Variants in BMAL1 observed in about 807,000 individuals in gnomAD.
BMAL1 encodes basic helix-loop-helix ARNT like 1, also known as basic helix-loop-helix ARNT-like protein 1.
the BMAL1 span, among the ~76,000 whole-genome samples, chr11:13,376,084 G>T: frequency 3.0e-4 from 45 of 152,338 alleles, no homozygotes; most frequent in Middle Eastern, 3.4e-3. Context: ...GGAGGAAGGG[G>T]TTGGCAATCT....
the BMAL1 span, among the ~76,000 whole-genome samples, chr11:13,339,900 C>T: frequency 6.6e-6 from 1 of 152,168 alleles, no homozygotes; most frequent in Admixed American, 6.5e-5. Flanking sequence ...TTTTTATATC[C>T]CTACCCCCAT....
At chr11:13,302,712 T>A in the BMAL1 span, among the ~76,000 whole-genome samples, 1 of 152,190 alleles carries the variant, frequency 6.6e-6, no homozygotes, top group Non-Finnish European at 1.5e-5. Flanking sequence ...TCTCTCGTCA[T>A]CTGGGTGGTG....
chr11:13,382,406 G>C, the BMAL1 span, among the ~76,000 whole-genome samples: 1 of 152,170 alleles, frequency 6.6e-6, no homozygotes, highest in East Asian at 1.9e-4. Flanking sequence ...AGGGTAGCCA[G>C]CATCTTTGCA....
chr11:13,363,693 C>T, the BMAL1 span, among the ~76,000 whole-genome samples: 34 of 152,314 alleles, frequency 2.2e-4, no homozygotes, highest in Middle Eastern at 3.4e-3. Context: ...ACAATGTCTA[C>T]GTTAGTCTAC....
the BMAL1 span, among the ~76,000 whole-genome samples, chr11:13,359,659 T>C: frequency 6.6e-6 from 1 of 152,346 alleles, no homozygotes; most frequent in South Asian, 2.1e-4. Flanking sequence ...ATTCCTTCAC[T>C]ATTCTACTCG....
the BMAL1 span, among the ~76,000 whole-genome samples, chr11:13,295,154 G>T: frequency 6.6e-6 from 1 of 152,188 alleles, no homozygotes; most frequent in African/African-American, 2.4e-5. Context: ...AGTGGCTCTT[G>T]AAGATGGCTG....
At chr11:13,329,955 TTG>T in the BMAL1 span, among the ~76,000 whole-genome samples, 1 of 152,210 alleles carries the variant, frequency 6.6e-6, no homozygotes, top group East Asian at 1.9e-4. Flanking sequence ...AAAGATGCTG[TTG>T]TGAGTGCACT....
At chr11:13,292,802 G>A in the BMAL1 span, among the ~76,000 whole-genome samples, 1 of 152,060 alleles carries the variant, frequency 6.6e-6, no homozygotes, top group Admixed American at 6.5e-5. Flanking sequence ...GATGGTTGAA[G>A]GTAAAAACTT....
chr11:13,338,134 A>G, the BMAL1 span, among the ~76,000 whole-genome samples: 2 of 152,018 alleles, frequency 1.3e-5, no homozygotes, highest in Non-Finnish European at 2.9e-5. Context: ...GACACATGAT[A>G]CTCACTATAT....
At chr11:13,357,067 A>G in the BMAL1 span, 2 of 1,614,258 alleles carry the variant, frequency 1.2e-6, no homozygotes, top group East Asian at 4.5e-5. The surrounding 1 kb of genome is among the most constrained non-coding windows in gnomAD (Gnocchi z 4.8). Flanking sequence ...TAGAATATAC[A>G]GAACACCAAG....
At chr11:13,373,008 TGTG>T in the BMAL1 span, among the ~76,000 whole-genome samples, 16 of 152,230 alleles carry the variant, frequency 1.1e-4, no homozygotes, top group Non-Finnish European at 2.1e-4. Context: ...GAACCATTAT[TGTG>T]ATTGAAATTC....
chr11:13,334,120 T>C, the BMAL1 span, among the ~76,000 whole-genome samples: 1 of 152,144 alleles, frequency 6.6e-6, no homozygotes, highest in African/African-American at 2.4e-5. Context: ...ATCCTCATTT[T>C]ACCAATGAGG....
chr11:13,342,218 G>C, the BMAL1 span, among the ~76,000 whole-genome samples: 1 of 152,204 alleles, frequency 6.6e-6, no homozygotes, highest in Non-Finnish European at 1.5e-5. Flanking sequence ...TGGGGTCTGC[G>C]TGAGGGGCAG....
chr11:13,379,530 C>A, the BMAL1 span: 1 of 152,188 alleles, frequency 6.6e-6, no homozygotes, highest in Non-Finnish European at 1.5e-5. Context: ...TTTGCATTTG[C>A]ATACCCTGTA....
the BMAL1 span, among the ~76,000 whole-genome samples, chr11:13,340,057 A>G: frequency 6.6e-6 from 1 of 152,168 alleles, no homozygotes; most frequent in Non-Finnish European, 1.5e-5. Context: ...TGGCTACTAC[A>G]AGCAGTTTGT....
chr11:13,330,352 G>A, the BMAL1 span, among the ~76,000 whole-genome samples: 3 of 152,280 alleles, frequency 2.0e-5, no homozygotes, highest in East Asian at 5.8e-4. Context: ...AATATTTTGA[G>A]CAACAAGCAG....
chr11:13,284,273 T>C, the BMAL1 span, among the ~76,000 whole-genome samples: 1 of 135,170 alleles, frequency 7.4e-6, no homozygotes, highest in South Asian at 2.4e-4. Context: ...TATATTTTTT[T>C]TTTTAATGCC....
chr11:13,306,385 A>G, the BMAL1 span, among the ~76,000 whole-genome samples: 6 of 152,192 alleles, frequency 3.9e-5, no homozygotes, highest in African/African-American at 1.4e-4. Context: ...TTCCATGAGG[A>G]CAGTGAGGAA....
At chr11:13,383,011 G>A in the BMAL1 span, among the ~76,000 whole-genome samples, 1 of 152,320 alleles carries the variant, frequency 6.6e-6, no homozygotes, top group East Asian at 1.9e-4. Context: ...ATTTGGATGT[G>A]TTCTCACGAG....
Sources: allele counts gnomAD v4.1 joint callset (sites outside exome capture counted in the v4.1 genomes callset), GRCh38; gene constraint gnomAD v4.1.1; non-coding constraint Gnocchi (gnomAD v3.1); transcripts MANE v1.5; gene names NCBI Gene and HGNC (gene_info 2026-07-23, HGNC 2026-07-21).